PRKAR1B: variants seen among roughly 807,000 people sequenced by gnomAD.
PRKAR1B encodes the protein protein kinase cAMP-dependent type I regulatory subunit beta.
In PRKAR1B, 22 loss-of-function variants were observed where a neutral mutation model predicts 46.5. The ratio of observed to expected loss-of-function variants is 0.47; its 90% CI spans 0.34 to 0.68. PRKAR1B has a LOEUF of 0.68. PRKAR1B is among the 30% of genes least tolerant of loss of function. The probability of loss-of-function intolerance (pLI) is 0.01; values close to 1 mark genes in which losing one functional copy is unlikely to be tolerated. For missense variants in PRKAR1B, 445 were observed against 535.6 expected (o/e 0.83, Z 1.67); for synonymous variants, 259 against 217.7 (o/e 1.19, Z -1.67).
At chr7:720,340 G>A (rs887915009) in intron 1 of PRKAR1B, among the ~76,000 whole-genome samples, 11 of 152,180 alleles carry the variant, frequency 7.2e-5, no homozygotes, top group African/African-American at 2.7e-4. Flanking sequence ...TAACAGGTGT[G>A]AGCCACCGCG....
At chr7:572,068 G>A (rs1383572484) in intron 9 of PRKAR1B, among the ~76,000 whole-genome samples, 2 of 152,152 alleles carry the variant, frequency 1.3e-5, no homozygotes, top group African/African-American at 4.8e-5. Context: ...CCCAACCTTT[G>A]GTAAGAGCCC....
chr7:574,533 C>T (rs1015132822), intron 9 of PRKAR1B, among the ~76,000 whole-genome samples: 31 of 152,104 alleles, frequency 2.0e-4, no homozygotes, highest in African/African-American at 7.2e-4. Flanking sequence ...CAATCTCTGC[C>T]TCCTGGGTTC....
intron 4 of PRKAR1B, among the ~76,000 whole-genome samples, chr7:669,700 G>A (rs1786118758): frequency 1.3e-5 from 2 of 151,504 alleles, no homozygotes; most frequent in South Asian, 4.2e-4. Flanking sequence ...GGAGACGGAG[G>A]TTGCAGTGAG....
At chr7:641,491 A>T (rs1583344177) in intron 4 of PRKAR1B, among the ~76,000 whole-genome samples, 1 of 152,226 alleles carries the variant, frequency 6.6e-6, no homozygotes, top group South Asian at 2.1e-4. Flanking sequence ...AGCGAAAACA[A>T]CCCAAATGGT....
chr7:576,411 G>A (rs1240158311), intron 9 of PRKAR1B, among the ~76,000 whole-genome samples: 4 of 152,110 alleles, frequency 2.6e-5, no homozygotes, highest in East Asian at 3.9e-4. Context: ...CTACTCTACC[G>A]ACCGGAAATA....
chr7:558,401 T>C (rs930691805), intron 9 of PRKAR1B, among the ~76,000 whole-genome samples: 6 of 151,204 alleles, frequency 4.0e-5, no homozygotes, highest in African/African-American at 9.7e-5. Context: ...AAATTTCCTA[T>C]AAAATCAAAA....
intron 6 of PRKAR1B, among the ~76,000 whole-genome samples, chr7:598,837 G>A (rs1781430150): frequency 1.3e-5 from 2 of 152,246 alleles, no homozygotes; most frequent in African/African-American, 4.8e-5. Context: ...GCCCCTTCAG[G>A]GAATGAGGAC....
intron 6 of PRKAR1B, among the ~76,000 whole-genome samples, chr7:604,491 G>A (rs946188277): frequency 9.2e-5 from 14 of 152,246 alleles, no homozygotes; most frequent in African/African-American, 2.9e-4. Flanking sequence ...CCCAGCCCGT[G>A]GGTTCCGGCT....
chr7:574,411 G>A (rs949627217), intron 9 of PRKAR1B, among the ~76,000 whole-genome samples: 7 of 152,196 alleles, frequency 4.6e-5, no homozygotes, highest in South Asian at 2.1e-4. Flanking sequence ...CAGTGTGGCC[G>A]GATGTCAGAT....
At chr7:663,129 C>T (rs773808551) in intron 4 of PRKAR1B, among the ~76,000 whole-genome samples, 1 of 152,294 alleles carries the variant, frequency 6.6e-6, no homozygotes, top group Middle Eastern at 3.4e-3. Context: ...GGCCCACCCG[C>T]GGGAAGAATC....
chr7:726,736 G>C, intron 1 of PRKAR1B: 1 of 1,243,890 alleles, frequency 8.0e-7, no homozygotes, highest in East Asian at 3.2e-5. Flanking sequence ...GGCGCTGGGG[G>C]TGGCGGAGGC....
intron 4 of PRKAR1B, among the ~76,000 whole-genome samples, chr7:632,354 G>A (rs1050466562): frequency 2.0e-5 from 3 of 152,232 alleles, no homozygotes; most frequent in South Asian, 2.1e-4. Flanking sequence ...GCAGAGACCC[G>A]GACTCGAGAC....
chr7:701,853 G>C lies in PRKAR1B; in HGVS notation c.177+9476C>G, dbSNP rs1257272874. 2.0e-5 allele frequency among the ~76,000 whole-genome samples: 3 copies of C among 152,210 alleles called. No individual in the cohort carries two copies. In the East Asian group the frequency reaches 5.8e-4, roughly 29 times the overall value. The stretch of plus-strand genomic sequence containing the variant: ...TCTGTCACCAGCAATCCTGCTCTAA[G>C]AGGAATGCTAAAGCGAGTTCTTCAG... On this transcript the variant is annotated intron_variant, in intron 2 of 10. Transcript: ENST00000537384.
At chr7:674,001 C>T (rs560957700) in intron 4 of PRKAR1B, among the ~76,000 whole-genome samples, 6 of 152,314 alleles carry the variant, frequency 3.9e-5, no homozygotes, top group Non-Finnish European at 8.8e-5. Context: ...GGCATCTCCT[C>T]CTGCCTCCCC....
chr7:635,630 A>G (rs950931983), intron 4 of PRKAR1B, among the ~76,000 whole-genome samples: 4 of 152,162 alleles, frequency 2.6e-5, no homozygotes, highest in Non-Finnish European at 5.9e-5. Context: ...AGGCCCTCCC[A>G]GACTATCCTG....
rs1781360520 is a variant in PRKAR1B, at chr7:727,266, G to T, written c.-79C>A. On this transcript the variant is annotated 5_prime_UTR_variant, in exon 1 of 11. Coordinates refer to ENST00000537384, the MANE Select transcript of PRKAR1B (RefSeq NM_001164760.2). ...CCCTGCTCGACCCCTTCGCCGCCGT[G>T]CGCCGCGAGAGCTGCAGCTGCGCCG... 1.5e-6 allele frequency: 2 copies of T among 1,328,178 alleles called. No homozygotes were observed. Among genetic ancestry groups the T allele is most frequent in the South Asian group, 3.9e-5 (2 of 51,860 alleles). The allele number at this position is 1,328,178 out of a possible 1,614,324, so 82.3% of individuals were successfully genotyped here.
rs1162788116 is a variant in PRKAR1B at position 597,432 on chromosome 7, G to A, written c.550-1128C>T. Reference sequence around the variant, plus strand: ...GCAGACTCTGCCTGGCGGGGATGTGGGGATCATCTCCACCTGGCCCACCAG... The same window carrying A: ...GCAGACTCTGCCTGGCGGGGATGTGAGGATCATCTCCACCTGGCCCACCAG... On this transcript the variant is annotated intron_variant, in intron 6 of 10. Coordinates refer to ENST00000537384, the MANE Select transcript of PRKAR1B (RefSeq NM_001164760.2). 1.3e-5 allele frequency among the ~76,000 whole-genome samples: 2 copies of A among 152,210 alleles called. 1 individual carries two copies. The highest frequency in any genetic ancestry group is 2.9e-5 in the Non-Finnish European group (2 of 68,032).
intron 1 of PRKAR1B, among the ~76,000 whole-genome samples, chr7:724,591 C>T (rs1268528466): frequency 1.3e-5 from 2 of 152,198 alleles, no homozygotes; most frequent in South Asian, 2.1e-4. Context: ...TTATTAGCAG[C>T]GTGAAAATGG....
rs571409866 is a variant in PRKAR1B at position 595,252 on chromosome 7, G to A, written c.708+894C>T. On this transcript the variant is annotated intron_variant, in intron 7 of 10. Transcript: ENST00000537384. ...CGCTCCTGGGCTGCTTCCGGCACCC[G>A]GGCGTCCTGCCCTGAGGCTCTGCTC... Among the ~76,000 whole-genome samples, 10 of 152,256 alleles carry A rather than the reference G, an allele frequency of 6.6e-5. No individual in the cohort carries two copies. The South Asian group carries it at 1.5e-3, about 22-fold the overall frequency.
Sources: allele counts gnomAD v4.1 joint callset (sites outside exome capture counted in the v4.1 genomes callset), GRCh38; gene constraint gnomAD v4.1.1; transcripts MANE v1.5; gene names NCBI Gene and HGNC (gene_info 2026-07-23, HGNC 2026-07-21).